PRSS54: variants seen among roughly 807,000 people sequenced by gnomAD.
PRSS54 encodes the protein inactive serine protease 54.
Under a neutral mutation model 19.9 loss-of-function variants are expected in PRSS54, and 16 were observed. The observed-to-expected ratio is 0.80, with a 90% confidence interval of 0.54 to 1.22. PRSS54 has a LOEUF of 1.22. PRSS54 is among the 50% of genes most tolerant of loss of function. The probability of loss-of-function intolerance (pLI) is 0.00; values close to 1 mark genes in which losing one functional copy is unlikely to be tolerated. For synonymous variants in PRSS54, 177 were observed against 195.8 expected, an observed-to-expected ratio of 0.90 and a Z score of 0.80; for missense variants, 444 against 494.8, an observed-to-expected ratio of 0.90 and a Z score of 0.97.
chr16:58,286,643 T>C (rs1485988321), intron 4 of PRSS54, among the ~76,000 whole-genome samples: 2 of 152,182 alleles, frequency 1.3e-5, no homozygotes. Flanking sequence ...TTTGGAGAAA[T>C]TGAAGTTCTA....
At chr16:58,290,566 A>G (rs1965015190) in intron 4 of PRSS54, among the ~76,000 whole-genome samples, 1 of 150,416 alleles carries the variant, frequency 6.6e-6, no homozygotes, top group South Asian at 2.1e-4. Flanking sequence ...TTCTCTCTGT[A>G]CATGTATTTG....
At position 58,280,086 on chromosome 16, in the gene PRSS54, C is replaced by A. The variant is rs369177906; in HGVS notation, c.*138G>T. On this transcript the variant is annotated 3_prime_UTR_variant, in exon 7 of 7. Coordinates refer to ENST00000567164, the MANE Select transcript of PRSS54 (RefSeq NM_001305173.2). ...GGGAGAGGGATAGAGGAGGGAGAGC[C>A]AGCCCAGTGTATGCCATGGGCTTAT... The A allele has an allele frequency of 3.6e-6, 3 of 838,600 alleles. No individual in the cohort carries two copies. Among genetic ancestry groups the A allele is most frequent in the African/African-American group, 3.5e-5 (2 of 57,764 alleles). The allele number at this position is 838,600 out of a possible 1,614,324, so 51.9% of individuals were successfully genotyped here. A position where few individuals can be genotyped will look rare whatever the true frequency, so the allele number is the denominator to read the frequency against.
In PRSS54 at chr16:58,286,202, A is replaced by T; in HGVS notation, c.264-7T>A. The T allele has an allele frequency of 3.7e-6, 6 of 1,613,632 alleles. No individual in the cohort carries two copies. Among genetic ancestry groups the T allele is most frequent in the Non-Finnish European group, 5.1e-6 (6 of 1,179,610 alleles). On this transcript the variant is annotated splice_region_variant and splice_polypyrimidine_tract_variant and intron_variant, in intron 4 of 6. Coordinates refer to ENST00000567164, the MANE Select transcript of PRSS54 (RefSeq NM_001305173.2). ...TATAACGACAATGTCCTTCCTGGAG[A>T]GAGAGCAAGGGAATCTTGAGAAGCC...
intron 3 of PRSS54, among the ~76,000 whole-genome samples, chr16:58,292,500 T>G (rs975032011): frequency 1.3e-5 from 2 of 152,032 alleles, no homozygotes; most frequent in Non-Finnish European, 2.9e-5. Flanking sequence ...ACCATGACCC[T>G]AAGAACTGAT....
chr16:58,289,320 A>T (rs1034197917), intron 4 of PRSS54, among the ~76,000 whole-genome samples: 3 of 152,216 alleles, frequency 2.0e-5, no homozygotes, highest in Non-Finnish European at 2.9e-5. Context: ...CCAGTCTGTG[A>T]TATTTGTTAT....
intron 4 of PRSS54, among the ~76,000 whole-genome samples, chr16:58,289,782 A>G (rs1964996859): frequency 6.6e-6 from 1 of 152,004 alleles, no homozygotes; most frequent in Admixed American, 6.6e-5. Flanking sequence ...CATGTTGATC[A>G]GGCTGGTCTC....
chr16:58,292,638 AG>A (rs2142654807), intron 3 of PRSS54, among the ~76,000 whole-genome samples: 1 of 152,350 alleles, frequency 6.6e-6, no homozygotes, highest in South Asian at 2.1e-4. Flanking sequence ...GATTTTAGCA[AG>A]ATGATGTCTG....
chr16:58,285,361 T>C (rs980780678), intron 5 of PRSS54: 1 of 160,870 alleles, frequency 6.2e-6, no homozygotes, highest in African/African-American at 2.4e-5. Flanking sequence ...CTCTGTACAC[T>C]TGTATTCATT....
chr16:58,290,865 A>C (rs969311284), intron 4 of PRSS54, 94 bp downstream of exon 4: 132 of 1,398,838 alleles, frequency 9.4e-5, no homozygotes, highest in Non-Finnish European at 1.2e-4. Context: ...CCCAGAATGC[A>C]CCTTTCAGGG....
chr16:58,287,530 G>A (rs889368590), intron 4 of PRSS54, among the ~76,000 whole-genome samples: 8 of 152,170 alleles, frequency 5.3e-5, no homozygotes, highest in African/African-American at 9.7e-5. Flanking sequence ...CAGCCAATAC[G>A]CAGTAGCCCT....
In PRSS54 at chr16:58,280,269, G is replaced by T. The variant is rs984136700; in HGVS notation, c.1143C>A (p.Ile381=). The T allele has an allele frequency of 6.2e-7, 1 of 1,613,772 alleles. No individual in the cohort carries two copies. The highest frequency in any genetic ancestry group is 8.5e-7 in the Non-Finnish European group (1 of 1,179,948). Residue 381 remains isoleucine (I), a synonymous_variant, in exon 7 of 7, where the codon ATC becomes ATA. Transcript: ENST00000567164. ...AAACAAGCACGAAGGAAACCAAGAT[G>T]ATTTCTTCGGGCTGATACAACCTGT... ...GQNRLYQPEE[I]ILVSFVLVFF...
chr16:58,294,726 T>C (rs1965109751), intron 1 of PRSS54, among the ~76,000 whole-genome samples, 161 bp downstream of exon 1: 1 of 152,094 alleles, frequency 6.6e-6, no homozygotes, highest in Non-Finnish European at 1.5e-5. Context: ...TTTAGCTTAG[T>C]TCATTTGCAA....
intron 3 of PRSS54, 77 bp downstream of exon 3, chr16:58,293,655 C>G: frequency 6.4e-7 from 1 of 1,551,370 alleles, no homozygotes; most frequent in Non-Finnish European, 8.7e-7. Flanking sequence ...CATTAAGGAC[C>G]ACTTCATCTT....
Position 58,280,364 on chromosome 16 carries a change from A to G in PRSS54, c.1048T>C (p.Ser350Pro). The G allele has an allele frequency of 1.2e-6, 2 of 1,614,122 alleles. No homozygotes were observed. The highest frequency in any genetic ancestry group is 1.1e-5 in the South Asian group (1 of 91,072). ...VKESGRSPEA[S>P]VQPLYYDYYG... ...TAGTCATAGTATAAGGGTTGTACAGACGCCTCAGGAGACCTGCCTGATTCC... is the reference window on the plus strand; with the variant it reads ...TAGTCATAGTATAAGGGTTGTACAGGCGCCTCAGGAGACCTGCCTGATTCC... Residue 350 changes from serine (S) to proline (P), a missense_variant, in exon 7 of 7, where the codon TCT becomes CCT. Transcript: ENST00000567164.
At position 58,280,299 on chromosome 16, in the gene PRSS54, A is replaced by C; in HGVS notation, c.1113T>G (p.Gly371=). The change falls in exon 7 of 7, where the codon GGT becomes GGG. Residue 371 remains glycine, a synonymous_variant. Transcript: ENST00000567164. ...CTTCGGGCTGATACAACCTGTTCTG[A>C]CCTGCAAAAATCCTACCTTCCCCCA... is the stretch of plus-strand genomic sequence containing the variant. ...GEVGEGRIFA[G]QNRLYQPEEI... 1.2e-6 allele frequency: 2 copies of C among 1,614,094 alleles called. No individual in the cohort carries two copies. Among genetic ancestry groups the C allele is most frequent in the South Asian group, 2.2e-5 (2 of 91,080 alleles).
rs553855457 is a variant in PRSS54 at position 58,280,113 on chromosome 16, C to T, written c.*111G>A. On this transcript the variant is annotated 3_prime_UTR_variant, in exon 7 of 7. Coordinates refer to ENST00000567164, the MANE Select transcript of PRSS54 (RefSeq NM_001305173.2). ...GCCCAGTGTATGCCATGGGCTTATC[C>T]GTGGCAGCCCCAGTGTGCAACTATC... 3.1e-4 allele frequency: 346 copies of T among 1,112,382 alleles called. No individual in the cohort carries two copies. Among genetic ancestry groups the T allele is most frequent in the Non-Finnish European group, 3.8e-4 (297 of 772,188 alleles). The allele number at this position is 1,112,382 out of a possible 1,614,324, so 68.9% of individuals were successfully genotyped here.
At chr16:58,294,623 AC>A (rs1965107092) in intron 1 of PRSS54, among the ~76,000 whole-genome samples, 1 of 151,830 alleles carries the variant, frequency 6.6e-6, no homozygotes, top group Admixed American at 6.6e-5. Flanking sequence ...CAGGTGATCC[AC>A]CCGCCTCAGT....
chr16:58,282,724 A>G (rs3743581), intron 6 of PRSS54: 5,778 of 152,344 alleles, frequency 0.038, 159 homozygotes, highest in East Asian at 0.08. Context: ...GCACCTCACT[A>G]TGTCTGCCTA....
Position 58,280,769 on chromosome 16 carries a change from G to C in PRSS54, c.655-12C>G, listed in dbSNP as rs1040602760. On this transcript the variant is annotated splice_polypyrimidine_tract_variant and intron_variant, in intron 6 of 6. Coordinates refer to ENST00000567164, the MANE Select transcript of PRSS54 (RefSeq NM_001305173.2). Reference sequence around the variant, plus strand: ...CTTCCTGGGTCCCCCTGTGATAAAAGACAGAAGGCTTCAAGTCTTAGAAAA... The same window carrying C: ...CTTCCTGGGTCCCCCTGTGATAAAACACAGAAGGCTTCAAGTCTTAGAAAA... 1.9e-6 allele frequency: 3 copies of C among 1,585,954 alleles called. No individual in the cohort carries two copies. The highest frequency in any genetic ancestry group is 2.6e-6 in the Non-Finnish European group (3 of 1,163,868).
Sources: allele counts gnomAD v4.1 joint callset (sites outside exome capture counted in the v4.1 genomes callset), GRCh38; gene constraint gnomAD v4.1.1; transcripts MANE v1.5; gene names NCBI Gene and HGNC (gene_info 2026-07-23, HGNC 2026-07-21).